Variants in CARF observed in about 807,000 individuals in gnomAD.
CARF encodes calcium-responsive transcription factor.
Under a neutral mutation model 82.0 loss-of-function variants are expected in CARF, and 57 were observed. The ratio of observed to expected loss-of-function variants is 0.70; its 90% CI spans 0.56 to 0.87. The LOEUF is 0.87. CARF is among the 40% of genes least tolerant of loss of function. The pLI, the probability that CARF is intolerant of heterozygous loss-of-function variation, is 0.00. For missense variants in CARF, 771 were observed against 855.8 expected, an observed-to-expected ratio of 0.90 and a Z score of 1.24; for synonymous variants, 268 against 290.1, an observed-to-expected ratio of 0.92 and a Z score of 0.77.
chr2:202,986,089 A>G lies in CARF; in HGVS notation c.*2465A>G, dbSNP rs1428086149. 1 of 152,096 alleles carries G rather than the reference A, an allele frequency of 6.6e-6. No individual in the cohort carries two copies. The highest frequency in any genetic ancestry group is 1.5e-5 in the Non-Finnish European group (1 of 67,964). The allele number at this position is 152,096 out of a possible 1,614,324, so 9.4% of individuals were successfully genotyped here. A position where few individuals can be genotyped will look rare whatever the true frequency, so the allele number is the denominator to read the frequency against. On this transcript the variant is annotated 3_prime_UTR_variant, in exon 17 of 17. Coordinates refer to ENST00000438828, the MANE Select transcript of CARF (RefSeq NM_024744.17). ...TGAAGAAAAGTTTAAATCCCTAATTATATACTCTTTTGGTTTTTAGGTAGA... is the reference window on the plus strand; with the variant it reads ...TGAAGAAAAGTTTAAATCCCTAATTGTATACTCTTTTGGTTTTTAGGTAGA...
chr2:202,938,085 C>T (rs1694238104), intron 3 of CARF, among the ~76,000 whole-genome samples: 1 of 152,014 alleles, frequency 6.6e-6, no homozygotes. Context: ...AAGCATTTAT[C>T]CTTTGTGTTA....
At chr2:202,955,127 A>T (rs2058976365) in intron 7 of CARF, among the ~76,000 whole-genome samples, 1 of 151,868 alleles carries the variant, frequency 6.6e-6, no homozygotes, top group African/African-American at 2.4e-5. Context: ...GCTAACTTTT[A>T]TTTCAGTTTT....
At chr2:202,965,754 A>G (rs1329696373) in intron 9 of CARF, among the ~76,000 whole-genome samples, 11 of 152,326 alleles carry the variant, frequency 7.2e-5, no homozygotes, top group Admixed American at 6.5e-4. Context: ...ATATTTTAAA[A>G]GTTTGTTGTA....
intron 3 of CARF, among the ~76,000 whole-genome samples, chr2:202,939,685 C>CTTTTTT (rs749966536): frequency 5.9e-4 from 62 of 104,886 alleles, no homozygotes; most frequent in Middle Eastern, 5.7e-3. Flanking sequence ...GCCTTTTTTT[C>CTTTTTT]TTTTTTTTTT....
At chr2:202,939,099 G>C (rs578151360) in intron 3 of CARF, among the ~76,000 whole-genome samples, 278 of 152,152 alleles carry the variant, frequency 1.8e-3, no homozygotes, top group Non-Finnish European at 9.3e-4. Flanking sequence ...AATGTTGCAC[G>C]TTCACTACAT....
chr2:202,934,253 A>G (rs890711138), intron 3 of CARF, among the ~76,000 whole-genome samples: 1 of 152,020 alleles, frequency 6.6e-6, no homozygotes, highest in Non-Finnish European at 1.5e-5. Flanking sequence ...GTTCAGATCT[A>G]GTATTTGCAG....
At chr2:202,946,595 G>T (rs989783381) in intron 5 of CARF, among the ~76,000 whole-genome samples, 2 of 152,208 alleles carry the variant, frequency 1.3e-5, no homozygotes, top group African/African-American at 4.8e-5. Context: ...CATGGGCAAA[G>T]ACTTCATGAC....
Position 202,974,437 on chromosome 2 carries a change from G to T in CARF, c.1435G>T (p.Val479Leu). The T allele has an allele frequency of 6.2e-7, 1 of 1,607,686 alleles. No homozygotes were observed. The highest frequency in any genetic ancestry group is 1.1e-5 in the South Asian group (1 of 89,418). Residue 479 changes from valine (V) to leucine (L), a missense_variant, in exon 13 of 17, where the codon GTA becomes TTA. Coordinates refer to ENST00000438828, the MANE Select transcript of CARF (RefSeq NM_024744.17). Reference protein sequence around the residue: ...VNDIKNHIHEVQKSLRNGDTV... With the variant: ...VNDIKNHIHELQKSLRNGDTV... ...TGATATAAAAAATCACATCCATGAG[G>T]TACAGAAATCCTTGAGAAATGGAGA...
chr2:202,940,475 ACT>A, intron 3 of CARF, among the ~76,000 whole-genome samples: 1 of 152,024 alleles, frequency 6.6e-6, no homozygotes, highest in East Asian at 1.9e-4. Flanking sequence ...GAATCTGGTG[ACT>A]CAATCTCATG....
intron 11 of CARF, 31 bp downstream of exon 11, chr2:202,970,093 C>G: frequency 6.6e-7 from 1 of 1,517,290 alleles, no homozygotes; most frequent in Non-Finnish European, 8.8e-7. Context: ...TTTTATTTTA[C>G]AAATTAATTA....
Position 202,983,823 on chromosome 2 carries a change from G to A in CARF, c.*199G>A. The A allele has an allele frequency of 2.0e-6, 1 of 492,956 alleles. No homozygotes were observed. 30.5% of individuals were successfully genotyped at this position (492,956 alleles called of 1,614,324 possible). ...AGAGATGTTTTACTCTTCTTATTTT[G>A]TATAATTTTTATGCTCTTTGATTAT... On this transcript the variant is annotated 3_prime_UTR_variant, in exon 17 of 17. Transcript: ENST00000438828.
At chr2:202,976,181 T>C (rs1169368055) in intron 13 of CARF, among the ~76,000 whole-genome samples, 7 of 146,094 alleles carry the variant, frequency 4.8e-5, no homozygotes, top group Non-Finnish European at 1.1e-4. Flanking sequence ...TAACTCATAC[T>C]TTTTTTTTTT....
intron 14 of CARF, among the ~76,000 whole-genome samples, chr2:202,980,114 C>T (rs1286729485): frequency 6.6e-6 from 1 of 152,102 alleles, no homozygotes; most frequent in East Asian, 1.9e-4. Flanking sequence ...CATGCCACCA[C>T]GCCTGGCTAA....
Position 202,984,623 on chromosome 2 carries a change from GTATT to G in CARF, c.*1003_*1006del, listed in dbSNP as rs1428017994. ...TAGGATTTCTAGTATTTTAAGGTAA[GTATT>G]TATAGTTTAAAATTTAGTTTATATT... On this transcript the variant is annotated 3_prime_UTR_variant, in exon 17 of 17. Transcript: ENST00000438828. 2 of 152,126 alleles carry G rather than the reference GTATT, an allele frequency of 1.3e-5. No individual in the cohort carries two copies. Among genetic ancestry groups the G allele is most frequent in the African/African-American group, 2.4e-5 (1 of 41,436 alleles). 9.4% of individuals were successfully genotyped at this position (152,126 alleles called of 1,614,324 possible).
At chr2:202,939,031 AG>A (rs1301498549) in intron 3 of CARF, among the ~76,000 whole-genome samples, 2 of 152,102 alleles carry the variant, frequency 1.3e-5, no homozygotes, top group Non-Finnish European at 2.9e-5. Flanking sequence ...ACCTAGGCTC[AG>A]GGGTGTTTTT....
intron 3 of CARF, among the ~76,000 whole-genome samples, chr2:202,935,467 G>A (rs1241625526): frequency 6.6e-6 from 1 of 151,570 alleles, no homozygotes; most frequent in Non-Finnish European, 1.5e-5. Context: ...CTTGAGACAA[G>A]GTCTCATTTT....
chr2:202,936,971 G>A (rs1168931968), intron 3 of CARF, among the ~76,000 whole-genome samples: 2 of 151,998 alleles, frequency 1.3e-5, no homozygotes, highest in African/African-American at 4.8e-5. Flanking sequence ...TTTATTTTTG[G>A]TATGTAATAT....
Position 202,942,948 on chromosome 2 carries a change from G to A in CARF, c.287G>A (p.Gly96Glu). The change falls in exon 5 of 17, where the codon GGG (glycine) becomes GAG (glutamate). Residue 96 changes from glycine (G) to glutamate (E), a missense_variant. Gly to Glu is a moderately conservative substitution (Grantham distance 98). Coordinates refer to ENST00000438828, the MANE Select transcript of CARF (RefSeq NM_024744.17). ...QAIQYELQSL[G>E]ESNAQMMIVA... ...ATTCAATATGAACTTCAGTCATTGG[G>A]GGAATCCAATGCACAAATGGTGAGT... 1.9e-6 allele frequency: 3 copies of A among 1,613,606 alleles called. No individual in the cohort carries two copies. The South Asian group carries it at 3.3e-5, about 18-fold the overall frequency.
In CARF at chr2:202,982,342, G is replaced by A; in HGVS notation, c.1960G>A (p.Val654Ile). 6.2e-7 allele frequency: 1 copy of A among 1,614,172 alleles called. No homozygotes were observed. Among genetic ancestry groups the A allele is most frequent in the Non-Finnish European group, 8.5e-7 (1 of 1,180,016 alleles). ...GGACGAGCTGGTAGAAGTTGGAGAT[G>A]TTGAGGATACAGGGAATCTGGAAGG... ...AMDELVEVGD[V>I]EDTGNLEGTV... The change falls in exon 16 of 17, where the codon GTT (valine) becomes ATT (isoleucine). Residue 654 changes from valine (V) to isoleucine (I), a missense_variant. Coordinates refer to ENST00000438828, the MANE Select transcript of CARF (RefSeq NM_024744.17).
Sources: gnomAD v4.1 joint callset for allele counts (sites outside exome capture counted in the v4.1 genomes callset) on GRCh38, gnomAD v4.1.1 for gene constraint, MANE v1.5 for transcripts, NCBI Gene and HGNC (gene_info 2026-07-23, HGNC 2026-07-21) for gene names.